CPED1: variants seen among roughly 807,000 people sequenced by gnomAD.
The protein encoded by CPED1 is cadherin-like and PC-esterase domain-containing protein 1.
Under a neutral mutation model 128.2 loss-of-function variants are expected in CPED1, and 114 were observed. The ratio of observed to expected loss-of-function variants is 0.89; its 90% confidence interval spans 0.76 to 1.04. The LOEUF (loss-of-function observed/expected upper bound fraction) is 1.04. CPED1 is among the 50% of genes least tolerant of loss of function. The pLI is 0.00. For synonymous variants in CPED1, 462 were observed against 426.7 expected (o/e 1.08, Z -1.02); for missense variants, 1,211 against 1,207.1 (o/e 1.00, Z -0.05).
chr7:121,116,499 G>T (rs757060679), intron 7 of CPED1, among the ~76,000 whole-genome samples: 1 of 152,084 alleles, frequency 6.6e-6, no homozygotes, highest in Non-Finnish European at 1.5e-5. Flanking sequence ...TTTCCAAAAG[G>T]TAATTAGGCT....
intron 5 of CPED1, among the ~76,000 whole-genome samples, chr7:121,091,775 T>C (rs1460531434): frequency 1.3e-5 from 2 of 152,218 alleles, no homozygotes; most frequent in Non-Finnish European, 2.9e-5. Context: ...AATTGACTCA[T>C]GATTACACTT....
chr7:121,113,405 G>T (rs1197045994), intron 7 of CPED1, among the ~76,000 whole-genome samples: 2 of 152,190 alleles, frequency 1.3e-5, no homozygotes, highest in African/African-American at 4.8e-5. Context: ...GAGTAGGAGA[G>T]AATTTTTCAG....
At chr7:121,117,845 C>A (rs1795289705) in intron 7 of CPED1, among the ~76,000 whole-genome samples, 1 of 151,944 alleles carries the variant, frequency 6.6e-6, no homozygotes, top group Non-Finnish European at 1.5e-5. Flanking sequence ...ATACATCCTT[C>A]TGCTCTTCAG....
At chr7:121,048,973 C>G (rs1418602927) in intron 4 of CPED1, among the ~76,000 whole-genome samples, 1 of 138,088 alleles carries the variant, frequency 7.2e-6, no homozygotes. Context: ...AATATTTTAC[C>G]CCTGAAATCT....
At chr7:121,269,668 A>G (rs1792195557) in intron 21 of CPED1, among the ~76,000 whole-genome samples, 1 of 151,958 alleles carries the variant, frequency 6.6e-6, no homozygotes, top group South Asian at 2.1e-4. Context: ...TTAATTTTTT[A>G]CTTTTCAATA....
At chr7:121,221,686 G>A (rs1245388308) in intron 16 of CPED1, among the ~76,000 whole-genome samples, 1 of 152,002 alleles carries the variant, frequency 6.6e-6, no homozygotes, top group Non-Finnish European at 1.5e-5. Flanking sequence ...TCTCATTATG[G>A]TTTTGATTTG....
chr7:121,182,263 A>T (rs1188517451), intron 16 of CPED1, among the ~76,000 whole-genome samples: 1 of 148,524 alleles, frequency 6.7e-6, no homozygotes, highest in East Asian at 2.0e-4. Flanking sequence ...TATAAAATTC[A>T]TAGAAATTGT....
At chr7:121,143,215 T>TA (rs1479146874) in intron 16 of CPED1, among the ~76,000 whole-genome samples, 14 of 151,968 alleles carry the variant, frequency 9.2e-5, no homozygotes, top group African/African-American at 3.4e-4. Flanking sequence ...TAAGCACACT[T>TA]AAAAAAGAGT....
At chr7:121,130,063 T>A in intron 11 of CPED1, 62 bp from the exon 12 acceptor site, 2 of 1,289,684 alleles carry the variant, frequency 1.6e-6, no homozygotes. Context: ...ATAAGGCTGT[T>A]CATAGTAATA....
At chr7:121,140,094 A>AT (rs1795867398) in intron 14 of CPED1, among the ~76,000 whole-genome samples, 2 of 152,156 alleles carry the variant, frequency 1.3e-5, no homozygotes, top group South Asian at 4.1e-4. Context: ...CTATAAAACA[A>AT]TTTTTTCTTT....
intron 16 of CPED1, among the ~76,000 whole-genome samples, chr7:121,152,652 C>T (rs1185654408): frequency 2.6e-5 from 4 of 152,088 alleles, no homozygotes; most frequent in Non-Finnish European, 4.4e-5. Context: ...TCCATGTTTG[C>T]AAAATGTATA....
At chr7:121,241,126 G>A (rs1342866622) in intron 17 of CPED1, among the ~76,000 whole-genome samples, 3 of 52,944 alleles carry the variant, frequency 5.7e-5, no homozygotes, top group Non-Finnish European at 4.4e-5. Flanking sequence ...GGCGGATCAC[G>A]AGGTCAGGAG....
At chr7:121,144,052 G>A (rs918697189) in intron 16 of CPED1, among the ~76,000 whole-genome samples, 1 of 152,022 alleles carries the variant, frequency 6.6e-6, no homozygotes, top group Admixed American at 6.6e-5. Flanking sequence ...TGCTAGCAAG[G>A]ATGTGGAGAA....
intron 5 of CPED1, among the ~76,000 whole-genome samples, chr7:121,067,528 C>G (rs546432971): frequency 2.9e-4 from 44 of 152,162 alleles, no homozygotes; most frequent in African/African-American, 7.9e-4. Context: ...GGACATTTGG[C>G]TTGGTTCCAA....
In CPED1 at chr7:121,151,866, A is replaced by ATTTGAC. The variant is rs5887015; in HGVS notation, c.2055+9726_2055+9727insTTGACT. On this transcript the variant is annotated intron_variant, in intron 16 of 22. Transcript: ENST00000310396. ...TAATGCTGAGAAAATTTCCACATGC[A>ATTTGAC]TGTGACATTTCCTTCAATAGGCATG... Among the ~76,000 whole-genome samples the ATTTGAC allele has an allele frequency of 2.0e-5, 3 of 151,826 alleles. No individual in the cohort carries two copies. The East Asian group carries it at 5.8e-4, about 30-fold the overall frequency.
chr7:121,240,336 G>A (rs1291164288), intron 17 of CPED1, among the ~76,000 whole-genome samples: 4 of 152,136 alleles, frequency 2.6e-5, no homozygotes, highest in Non-Finnish European at 4.4e-5. Flanking sequence ...TCTGGAGTAA[G>A]GGTAGGATGC....
At chr7:121,056,907 C>A (rs1185061481) in intron 4 of CPED1, among the ~76,000 whole-genome samples, 1 of 152,156 alleles carries the variant, frequency 6.6e-6, no homozygotes, top group East Asian at 1.9e-4. Flanking sequence ...TTTATTATTT[C>A]TATGTGATAA....
chr7:121,244,898 T>A (rs1798489181), intron 18 of CPED1, among the ~76,000 whole-genome samples: 1 of 152,202 alleles, frequency 6.6e-6, no homozygotes, highest in Non-Finnish European at 1.5e-5. Context: ...CTAAGCTGAT[T>A]TCTGGGACAT....
At chr7:121,145,750 A>G (rs1441459709) in intron 16 of CPED1, among the ~76,000 whole-genome samples, 1 of 156 alleles carries the variant, frequency 6.4e-3, no homozygotes, top group African/African-American at 9.1e-3. Context: ...ATATACATCA[A>G]TGAGATTTAC....
Sources: allele counts gnomAD v4.1 joint callset (sites outside exome capture counted in the v4.1 genomes callset), GRCh38; gene constraint gnomAD v4.1.1; transcripts MANE v1.5; gene names NCBI Gene and HGNC (gene_info 2026-07-23, HGNC 2026-07-21).